Variants in ATP8B4 observed in about 807,000 individuals in gnomAD.
ATP8B4 encodes the protein ATPase phospholipid transporting 8B4 (putative).
Under a neutral mutation model 145.6 loss-of-function variants are expected in ATP8B4, and 133 were observed. The ratio of observed to expected loss-of-function variants is 0.91; its 90% CI spans 0.79 to 1.05. The LOEUF is 1.05. Among genes scored for constraint, ATP8B4 ranks in the 50% least tolerant of loss-of-function variants. ATP8B4 has a pLI of 0.00. For synonymous variants in ATP8B4, 507 were observed against 492.9 expected (o/e 1.03, Z -0.38); for missense variants, 1,458 against 1,425.2 (o/e 1.02, Z -0.37).
chr15:50,123,256 C>T (rs1202813526), upstream of ATP8B4, among the ~76,000 whole-genome samples: 1 of 152,178 alleles, frequency 6.6e-6, no homozygotes, highest in African/African-American at 2.4e-5. Context: ...CCTTGTCATT[C>T]CTGGGCATAG....
At chr15:50,101,163 T>A (rs1017499630) in intron 2 of ATP8B4, among the ~76,000 whole-genome samples, 1 of 152,174 alleles carries the variant, frequency 6.6e-6, no homozygotes, top group African/African-American at 2.4e-5. Flanking sequence ...AGAGATGAGA[T>A]GTACTGGGGA....
rs1457497049 is a variant in ATP8B4, at chr15:50,158,609, A to G, written c.-43+23652T>C. On this transcript the variant is annotated intron_variant, in intron 1 of 3. Transcript: ENST00000558829. The stretch of plus-strand genomic sequence containing the variant: ...ACCACCCCGTCTGGGAGGTATACCC[A>G]ACAGCTCATTGAGAATGGGCCATGA... Among the ~76,000 whole-genome samples, 4 of 152,372 alleles carry G rather than the reference A, an allele frequency of 2.6e-5. No homozygotes were observed. The East Asian group carries it at 5.8e-4, about 22-fold the overall frequency.
intron 3 of ATP8B4, among the ~76,000 whole-genome samples, chr15:50,063,841 AGT>A (rs2053194732): frequency 6.6e-6 from 1 of 152,166 alleles, no homozygotes; most frequent in Admixed American, 6.6e-5. Context: ...AAATATCTGA[AGT>A]GTTGTTGCAT....
chr15:49,908,059 G>T (rs903329136), intron 20 of ATP8B4: 4 of 455,994 alleles, frequency 8.8e-6, no homozygotes, highest in Admixed American at 2.3e-5. Flanking sequence ...TATATACTTC[G>T]ACTTCCTCAT....
At position 50,086,799 on chromosome 15, in the gene ATP8B4, A is replaced by T. The variant is rs1217723428; in HGVS notation, c.29-12614T>A. ...TTATATATAATAAAATAATATAGAG[A>T]TCTATATTTATTATATATAATAAAA... On this transcript the variant is annotated intron_variant, in intron 2 of 27. Coordinates refer to ENST00000284509, the MANE Select transcript of ATP8B4 (RefSeq NM_024837.4). 5.0e-5 allele frequency among the ~76,000 whole-genome samples: 3 copies of T among 59,838 alleles called. 1 individual carries two copies. The highest frequency in any genetic ancestry group is 9.6e-4 in the South Asian group (2 of 2,082). The allele number at this position is 59,838 out of a possible 152,430, so 39.3% of individuals were successfully genotyped here.
At chr15:49,991,187 AT>A (rs150080476) in intron 9 of ATP8B4, among the ~76,000 whole-genome samples, 8 of 152,096 alleles carry the variant, frequency 5.3e-5, no homozygotes, top group African/African-American at 1.2e-4. Context: ...TAACCAAGCT[AT>A]TTTTTTTAAC....
chr15:49,984,578 C>T (rs2046425656), intron 10 of ATP8B4, among the ~76,000 whole-genome samples: 1 of 152,068 alleles, frequency 6.6e-6, no homozygotes, highest in South Asian at 2.1e-4. Context: ...GAGTGGCCTT[C>T]TGTTGATAGA....
upstream of ATP8B4, among the ~76,000 whole-genome samples, chr15:50,122,267 T>G (rs565415042): frequency 2.6e-5 from 4 of 152,246 alleles, no homozygotes; most frequent in South Asian, 8.3e-4. Flanking sequence ...CAAATGCAAA[T>G]ACTCTGCTAG....
intron 2 of ATP8B4, 79 bp from the exon 3 acceptor site, chr15:50,074,264 G>T: frequency 7.9e-7 from 1 of 1,269,628 alleles, no homozygotes; most frequent in African/African-American, 1.5e-5. Context: ...ACAAGACTTA[G>T]GTTGCTTTGT....
At chr15:50,095,676 G>A (rs939437483) in intron 2 of ATP8B4, among the ~76,000 whole-genome samples, 1 of 151,874 alleles carries the variant, frequency 6.6e-6, no homozygotes, top group African/African-American at 2.4e-5. Context: ...GATCATTTGA[G>A]CCCAAGAGTT....
intron 1 of ATP8B4, among the ~76,000 whole-genome samples, chr15:50,177,502 G>C (rs2140881444): frequency 6.6e-6 from 1 of 152,230 alleles, no homozygotes; most frequent in East Asian, 1.9e-4. Flanking sequence ...AAGATTTAAA[G>C]GAAAATGTTT....
chr15:49,973,817 T>C (rs1219459547), intron 12 of ATP8B4, among the ~76,000 whole-genome samples: 1 of 152,212 alleles, frequency 6.6e-6, no homozygotes, highest in Non-Finnish European at 1.5e-5. Context: ...ATCAGATTAT[T>C]AAGAATTATC....
chr15:49,947,735 G>A (rs540843208), intron 14 of ATP8B4, among the ~76,000 whole-genome samples: 2 of 152,114 alleles, frequency 1.3e-5, no homozygotes, highest in Non-Finnish European at 2.9e-5. Flanking sequence ...ACAAGCTACA[G>A]TCATCAAAGC....
intron 1 of ATP8B4, among the ~76,000 whole-genome samples, chr15:50,172,135 G>A (rs1239394853): frequency 6.6e-6 from 1 of 152,162 alleles, no homozygotes; most frequent in Non-Finnish European, 1.5e-5. Flanking sequence ...AAAAAGAATT[G>A]GTCTCCCTCT....
chr15:49,865,510 A>T (rs1272168695), intron 26 of ATP8B4, among the ~76,000 whole-genome samples: 1 of 152,196 alleles, frequency 6.6e-6, no homozygotes, highest in Non-Finnish European at 1.5e-5. Flanking sequence ...GTGGCTTGCT[A>T]CTAGCATTGG....
At chr15:50,151,445 T>A (rs1211405110) in intron 1 of ATP8B4, among the ~76,000 whole-genome samples, 1 of 152,206 alleles carries the variant, frequency 6.6e-6, no homozygotes, top group Non-Finnish European at 1.5e-5. Context: ...CTGGGAACAC[T>A]TGAAGCCAGT....
chr15:49,862,283 A>G lies in ATP8B4; in HGVS notation c.3259T>C (p.Phe1087Leu), dbSNP rs747262503. 27 of 1,613,632 alleles carry G rather than the reference A, an allele frequency of 1.7e-5. No homozygotes were observed. The highest frequency in any genetic ancestry group is 2.0e-5 in the Non-Finnish European group (24 of 1,179,762). The change falls in exon 27 of 28, where the codon TTT (phenylalanine) becomes CTT (leucine). Residue 1087 changes from phenylalanine to leucine, a missense_variant. Phe to Leu is a conservative substitution (Grantham distance 22). Transcript: ENST00000284509. ...GTTGGGTATAAATCCACCTTCAAAAATCTGAATGCCACCACTGGCATAACT... is the reference window on the plus strand; with the variant it reads ...GTTGGGTATAAATCCACCTTCAAAAGTCTGAATGCCACCACTGGCATAACT... ...ASVMPVVAFR[F>L]LKVDLYPTLS...
intron 27 of ATP8B4, among the ~76,000 whole-genome samples, chr15:49,860,869 G>C (rs1432054505): frequency 1.3e-5 from 2 of 152,110 alleles, no homozygotes; most frequent in Non-Finnish European, 2.9e-5. Context: ...GGATCCAACA[G>C]TTGTCAGTAA....
chr15:49,991,612 T>C (rs1029314659), intron 9 of ATP8B4, among the ~76,000 whole-genome samples: 1 of 152,186 alleles, frequency 6.6e-6, no homozygotes, highest in Non-Finnish European at 1.5e-5. Flanking sequence ...TATCTTTTCT[T>C]ACAAAATTCA....
Sources: gnomAD v4.1 joint callset for allele counts (sites outside exome capture counted in the v4.1 genomes callset) on GRCh38, gnomAD v4.1.1 for gene constraint, MANE v1.5 for transcripts, NCBI Gene and HGNC (gene_info 2026-07-23, HGNC 2026-07-21) for gene names.